P2RX5: variants seen among roughly 807,000 people sequenced by gnomAD.
P2RX5 encodes the protein purinergic receptor P2X 5.
Under a neutral mutation model 54.1 loss-of-function variants are expected in P2RX5, and 46 were observed. That is an observed-to-expected ratio of 0.85 (90% confidence interval 0.67 to 1.09). The LOEUF is 1.09. P2RX5 is among the 50% of genes least tolerant of loss of function. P2RX5 has a pLI of 0.00. For missense variants in P2RX5, 566 were observed against 549.8 expected (o/e 1.03, Z -0.29); for synonymous variants, 226 against 226.4 (o/e 1.00, Z 0.02).
At chr17:3,691,555 C>T (rs2050617319) in intron 2 of P2RX5, 89 bp downstream of exon 2, 11 of 1,498,158 alleles carry the variant, frequency 7.3e-6, no homozygotes, top group Non-Finnish European at 1.0e-5. Context: ...GGATGGGGGT[C>T]CCTGCGTATC....
chr17:3,716,978 A>G, the P2RX5 span: 1 of 551,486 alleles, frequency 1.8e-6, no homozygotes, highest in South Asian at 2.2e-5. Context: ...ATCATCTAAA[A>G]CTATCCAATC....
Position 3,690,659 on chromosome 17 carries a change from C to G in P2RX5, c.382G>C (p.Ala128Pro), listed in dbSNP as rs201754724. 1 of 1,613,164 alleles carries G rather than the reference C, an allele frequency of 6.2e-7. No individual in the cohort carries two copies. Among genetic ancestry groups the G allele is most frequent in the Non-Finnish European group, 8.5e-7 (1 of 1,180,034 alleles). ...TGGCAGTCGCTGTCCTTGGAGCACGCGCCATCAGGAATGCCTTCATTCTGC... is the reference window on the plus strand; with the variant it reads ...TGGCAGTCGCTGTCCTTGGAGCACGGGCCATCAGGAATGCCTTCATTCTGC... ...CAENEGIPDG[A>P]CSKDSDCHAG... The change falls in exon 4 of 12, where the codon GCG (alanine) becomes CCG (proline). Residue 128 changes from alanine (A) to proline (P), a missense_variant. Coordinates refer to ENST00000225328, the MANE Select transcript of P2RX5 (RefSeq NM_002561.4).
intron 9 of P2RX5, among the ~76,000 whole-genome samples, chr17:3,684,468 G>C (rs950812985): frequency 2.6e-5 from 4 of 152,222 alleles, no homozygotes; most frequent in African/African-American, 9.6e-5. Context: ...GCCACAGGTG[G>C]TGGTGCACCT....
intron 6 of P2RX5, among the ~76,000 whole-genome samples, 182 bp from the exon 7 acceptor site, chr17:3,689,812 C>G (rs2050551349): frequency 6.6e-6 from 1 of 152,040 alleles, no homozygotes; most frequent in South Asian, 2.1e-4. Context: ...GCAGACATCA[C>G]CCACTCACAT....
At chr17:3,681,222 C>T (rs932412479) in intron 10 of P2RX5, among the ~76,000 whole-genome samples, 2 of 152,164 alleles carry the variant, frequency 1.3e-5, no homozygotes, top group Non-Finnish European at 2.9e-5. Context: ...GGCGAATGAC[C>T]CAGGCAGACC....
At chr17:3,717,341 G>C in the P2RX5 span, 1 of 153,098 alleles carries the variant, frequency 6.5e-6, no homozygotes, top group Admixed American at 6.5e-5. Flanking sequence ...AGACTAAAAA[G>C]TGTGTATTAC....
At chr17:3,697,438 C>T (rs917925232), upstream of P2RX5, among the ~76,000 whole-genome samples, 2 of 152,166 alleles carry the variant, frequency 1.3e-5, no homozygotes, top group Non-Finnish European at 2.9e-5. Context: ...TTATTTTCTG[C>T]ATCCTGCAGT....
At position 3,695,568 on chromosome 17, in the gene P2RX5, G is replaced by A. The variant is rs946360505; in HGVS notation, c.137+301C>T. Reference sequence around the variant, plus strand: ...CCCCTTCCCATGGCCCTAACACGTGGGGACCCGACTCTGGGAGAAGCAGCT... The same window carrying A: ...CCCCTTCCCATGGCCCTAACACGTGAGGACCCGACTCTGGGAGAAGCAGCT... On this transcript the variant is annotated intron_variant, in intron 1 of 11. Transcript: ENST00000225328. Among the ~76,000 whole-genome samples, 50 of 152,166 alleles carry A rather than the reference G, an allele frequency of 3.3e-4. 1 individual carries two copies. The highest frequency in any genetic ancestry group is 1.3e-4 in the Non-Finnish European group (9 of 68,012).
At chr17:3,689,686 C>T (rs1229065591) in intron 6 of P2RX5, 56 bp from the exon 7 acceptor site, 1 of 1,611,692 alleles carries the variant, frequency 6.2e-7, no homozygotes, top group Admixed American at 1.7e-5. Flanking sequence ...GTTTCCCGGC[C>T]TGGCCAGGAG....
chr17:3,689,969 C>T lies in P2RX5; in HGVS notation c.614+101G>A, dbSNP rs560081959. ...GAACACACGCACACACGTGCACACA[C>T]GCGCGCACACACACCCCCAGGCAGA... On this transcript the variant is annotated intron_variant, in intron 6 of 11. Coordinates refer to ENST00000225328, the MANE Select transcript of P2RX5 (RefSeq NM_002561.4). 3.2e-5 allele frequency: 33 copies of T among 1,018,902 alleles called. 1 individual carries two copies. Among genetic ancestry groups the T allele is most frequent in the African/African-American group, 1.9e-4 (12 of 63,602 alleles). 63.1% of individuals were successfully genotyped at this position (1,018,902 alleles called of 1,614,324 possible).
At position 3,673,887 on chromosome 17, in the gene P2RX5, C is replaced by A; in HGVS notation, c.1260-10G>T. 1 of 1,610,664 alleles carries A rather than the reference C, an allele frequency of 6.2e-7. No individual in the cohort carries two copies. On this transcript the variant is annotated splice_polypyrimidine_tract_variant and intron_variant, in intron 11 of 11. Coordinates refer to ENST00000225328, the MANE Select transcript of P2RX5 (RefSeq NM_002561.4). The stretch of plus-strand genomic sequence containing the variant: ...GGCAATTCACGTGCTCCTGGAATAT[C>A]AGAACAGAAAGGAGCTCTTGAGAGG...
intron 9 of P2RX5, among the ~76,000 whole-genome samples, chr17:3,684,797 C>A (rs933232161): frequency 6.6e-6 from 1 of 151,386 alleles, no homozygotes; most frequent in Non-Finnish European, 1.5e-5. Context: ...GTCAGCAGCA[C>A]CCAGGCTAAG....
At chr17:3,679,809 C>G (rs750913989) in intron 10 of P2RX5, 25 bp from the exon 11 acceptor site, 2 of 1,601,384 alleles carry the variant, frequency 1.2e-6, no homozygotes, top group Middle Eastern at 1.7e-4. Context: ...AGCTGTTCAC[C>G]TGGGACGGCC....
intron 11 of P2RX5, among the ~76,000 whole-genome samples, 163 bp from the exon 12 acceptor site, chr17:3,674,040 GGCTCAT>G (rs1285463786): frequency 6.6e-6 from 1 of 152,178 alleles, no homozygotes; most frequent in East Asian, 1.9e-4. Context: ...CAGGCGCGGT[GGCTCAT>G]GCCCATGCCT....
chr17:3,718,821 G>A, the P2RX5 span, among the ~76,000 whole-genome samples: 15 of 152,322 alleles, frequency 9.8e-5, no homozygotes, highest in African/African-American at 3.6e-4. Flanking sequence ...TTCTCTGTAT[G>A]GCTTGGATTT....
rs1042948246 is a variant in P2RX5 at position 3,675,508 on chromosome 17, C to T, written c.1260-1631G>A. ...CAAGTTATAAAAATGCAAGGCTTTGCGTCAGTGAAGAAGTGACACACCTAA... is the reference window on the plus strand; with the variant it reads ...CAAGTTATAAAAATGCAAGGCTTTGTGTCAGTGAAGAAGTGACACACCTAA... On this transcript the variant is annotated intron_variant, in intron 11 of 11. Transcript: ENST00000225328. The T allele has an allele frequency of 6.1e-6, 6 of 985,024 alleles. No individual in the cohort carries two copies. The South Asian group carries it at 1.4e-4, about 23-fold the overall frequency. 61.0% of individuals were successfully genotyped at this position (985,024 alleles called of 1,614,324 possible).
chr17:3,690,396 C>T (rs2050578208), intron 5 of P2RX5, 31 bp downstream of exon 5: 1 of 1,528,412 alleles, frequency 6.5e-7, no homozygotes. Flanking sequence ...GCTGGGAAAC[C>T]CCTCAGGGTC....
the P2RX5 span, among the ~76,000 whole-genome samples, chr17:3,710,307 G>T: frequency 6.6e-6 from 1 of 151,900 alleles, no homozygotes; most frequent in Non-Finnish European, 1.5e-5. Flanking sequence ...TGCACCTGCA[G>T]TCCCAGCTAC....
At chr17:3,708,050 T>C in the P2RX5 span, among the ~76,000 whole-genome samples, 1 of 82,180 alleles carries the variant, frequency 1.2e-5, no homozygotes, top group Non-Finnish European at 2.3e-5. Context: ...AGAGTGAGAC[T>C]CCGTCTCAAA....
Sources: gnomAD v4.1 joint callset for allele counts (sites outside exome capture counted in the v4.1 genomes callset) on GRCh38, gnomAD v4.1.1 for gene constraint, MANE v1.5 for transcripts, NCBI Gene and HGNC (gene_info 2026-07-23, HGNC 2026-07-21) for gene names.